The following WRN variants were observed in gnomAD, a reference collection of about 807,000 sequenced individuals.
WRN encodes the protein WRN RecQ like helicase.
A neutral mutation model predicts 180.7 loss-of-function variants in WRN; 149 were observed. The observed-to-expected ratio is 0.82, with a 90% confidence interval of 0.72 to 0.94. The LOEUF (loss-of-function observed/expected upper bound fraction) is 0.94, where lower values mean the gene tolerates loss of function less well. Ranked by LOEUF, WRN falls within the 40% of genes least tolerant of loss-of-function variation. WRN has a pLI of 0.00. For missense variants in WRN, 1,661 were observed against 1,700.1 expected (o/e 0.98, Z 0.40); for synonymous variants, 548 against 568.9 (o/e 0.96, Z 0.52).
intron 11 of WRN, 108 bp from the exon 12 acceptor site, chr8:31,087,668 G>A: frequency 8.6e-7 from 1 of 1,158,718 alleles, no homozygotes; most frequent in Non-Finnish European, 1.3e-6. Context: ...ACATCTGCCA[G>A]CTTTCGACAA....
At chr8:31,125,043 T>C in intron 23 of WRN, 43 bp downstream of exon 23, 2 of 1,556,568 alleles carry the variant, frequency 1.3e-6, no homozygotes. Flanking sequence ...AAAGTCTTTC[T>C]TTCTCTTCCT....
intron 30 of WRN, 111 bp from the exon 31 acceptor site, chr8:31,150,230 A>G: frequency 1.1e-6 from 1 of 869,680 alleles, no homozygotes; most frequent in Non-Finnish European, 1.9e-6. Flanking sequence ...AAAACTATAC[A>G]TTTATTGAGA....
chr8:31,088,521 G>T (rs1032995600), intron 12 of WRN, among the ~76,000 whole-genome samples: 1 of 151,974 alleles, frequency 6.6e-6, no homozygotes, highest in African/African-American at 2.4e-5. Flanking sequence ...TTTAGTGCGG[G>T]ACTAATGTAA....
At position 31,090,847 on chromosome 8, in the gene WRN, T is replaced by C. The variant is rs867210698; in HGVS notation, c.1734T>C (p.Ser578=). The change falls in exon 15 of 35, where the codon AGT becomes AGC. Residue 578 remains serine (S), a synonymous_variant. Transcript: ENST00000298139. The part of the protein sequence containing the change: ...VAVMATGYGK[S]LCFQYPPVYV... ...TTTCATTTCAAGGATATGGAAAGAG[T>C]TTGTGCTTCCAGTATCCACCTGTTT... is the stretch of plus-strand genomic sequence containing the variant. The C allele has an allele frequency of 1.2e-5, 19 of 1,610,168 alleles. No homozygotes were observed. In the Middle Eastern group the frequency reaches 2.5e-3, roughly 210 times the overall value.
chr8:31,150,255 C>A, intron 30 of WRN, 86 bp from the exon 31 acceptor site: 1 of 1,083,330 alleles, frequency 9.2e-7, no homozygotes, highest in Non-Finnish European at 1.4e-6. Flanking sequence ...CATTAGGAAG[C>A]TGAACATCAG....
Position 31,059,244 on chromosome 8 carries a change from C to A in WRN, c.188C>A (p.Ser63Tyr). The A allele has an allele frequency of 6.2e-7, 1 of 1,613,566 alleles. No homozygotes were observed. Among genetic ancestry groups the A allele is most frequent in the Non-Finnish European group, 8.5e-7 (1 of 1,179,672 alleles). Reference protein sequence around the residue: ...IVYSYDASDCSFLSEDISMSL... With the variant: ...IVYSYDASDCYFLSEDISMSL... ...TATAGTTACGATGCTAGTGATTGCT[C>A]TTTCCTGTCAGAAGATATTAGGTAA... The change falls in exon 3 of 35, where the codon TCT becomes TAT. Residue 63 changes from serine to tyrosine, a missense_variant. Around this residue, in one of 3 missense-constraint regions of WRN, gnomAD observed 500 missense variants for 504.1 expected, o/e 0.99. Transcript: ENST00000298139.
chr8:31,122,640 A>AT (rs1801765605), intron 21 of WRN, among the ~76,000 whole-genome samples: 2 of 151,976 alleles, frequency 1.3e-5, no homozygotes, highest in South Asian at 4.1e-4. Context: ...ATGGTTTAGA[A>AT]TTTTTTTAAT....
At chr8:31,059,129 G>A (rs2130004518) in intron 2 of WRN, 24 bp from the exon 3 acceptor site, 1 of 1,564,118 alleles carries the variant, frequency 6.4e-7, no homozygotes, top group Non-Finnish European at 8.8e-7. Flanking sequence ...CTTTGTGCCT[G>A]TTTTGAAATT....
chr8:31,077,072 C>T (rs1305158537), intron 8 of WRN, among the ~76,000 whole-genome samples: 4 of 152,106 alleles, frequency 2.6e-5, no homozygotes, highest in Non-Finnish European at 4.4e-5. Flanking sequence ...AGAAAGAATT[C>T]TGACTCGAAA....
intron 33 of WRN, among the ~76,000 whole-genome samples, chr8:31,158,006 G>A (rs544726874): frequency 6.6e-6 from 1 of 152,240 alleles, no homozygotes; most frequent in South Asian, 2.1e-4. Context: ...GCGATTACAG[G>A]TGTGAGCCAT....
In WRN at chr8:31,087,917, A is replaced by G. The variant is rs1813600027; in HGVS notation, c.1573A>G (p.Lys525Glu). 3.7e-6 allele frequency: 6 copies of G among 1,612,800 alleles called. No homozygotes were observed. Among genetic ancestry groups the G allele is most frequent in the Non-Finnish European group, 5.1e-6 (6 of 1,179,340 alleles). ...TAATGAAGGGGAAGAAGATGATGAT[A>G]AGGGTAAGCACTGAAGTATGTTTGA... ...EANEGEEDDD[K>E]DFLWPAPNEE... Residue 525 changes from lysine (K) to glutamate (E), a missense_variant, in exon 12 of 35, where the codon AAG becomes GAG. This residue lies in a region of WRN where 1,141 missense variants were observed against 1,149.4 expected (regional missense o/e 0.99). Coordinates refer to ENST00000298139, the MANE Select transcript of WRN (RefSeq NM_000553.6).
At chr8:31,110,655 A>G (rs1585470125) in intron 18 of WRN, among the ~76,000 whole-genome samples, 3 of 152,264 alleles carry the variant, frequency 2.0e-5, no homozygotes, top group East Asian at 1.9e-4. Flanking sequence ...GATAATTGCT[A>G]TGGTTGGTTT....
At chr8:31,078,249 T>C (rs1440420832) in intron 8 of WRN, among the ~76,000 whole-genome samples, 1 of 152,210 alleles carries the variant, frequency 6.6e-6, no homozygotes, top group African/African-American at 2.4e-5. Context: ...TGTGAAGTTT[T>C]AGTGTGAAAA....
At chr8:31,108,061 A>T (rs1190206451) in intron 18 of WRN, among the ~76,000 whole-genome samples, 7 of 152,252 alleles carry the variant, frequency 4.6e-5, no homozygotes, top group Non-Finnish European at 8.8e-5. Context: ...TACTTTTCTC[A>T]GTCTGTGGGC....
rs2230010 is a variant in WRN at position 31,081,182 on chromosome 8, G to A, written c.1155G>A (p.Glu385=). ...EDGVEDNKLK[E]NMERACLMSL... is the part of the protein sequence containing the mutation. ...GAGTAGAAGACAACAAATTGAAAGA[G>A]AATATGGAAAGAGCTTGTTTGATGT... The change falls in exon 9 of 35, where the codon GAG becomes GAA. Residue 385 remains glutamate, a synonymous_variant. Transcript: ENST00000298139. 5,718 of 1,614,008 alleles carry A rather than the reference G, an allele frequency of 3.5e-3. 166 individuals are homozygous for A. In the African/African-American group the frequency reaches 0.066, roughly 19 times the overall value.
intron 16 of WRN, among the ~76,000 whole-genome samples, chr8:31,092,698 C>G (rs1813799797): frequency 6.6e-6 from 1 of 151,882 alleles, no homozygotes; most frequent in Non-Finnish European, 1.5e-5. Context: ...AACCAAACCT[C>G]TAACAAGATA....
chr8:31,040,381 G>A (rs1054415812), intron 1 of WRN, among the ~76,000 whole-genome samples: 1 of 152,170 alleles, frequency 6.6e-6, no homozygotes, highest in African/African-American at 2.4e-5. Context: ...AGACTCTAAG[G>A]GAGTGAGTGT....
At chr8:31,143,753 A>C in intron 28 of WRN, 130 bp downstream of exon 28, 1 of 642,016 alleles carries the variant, frequency 1.6e-6, no homozygotes. Flanking sequence ...TAAGCTTTTC[A>C]GTATTAGAAT....
intron 19 of WRN, among the ~76,000 whole-genome samples, chr8:31,113,822 A>G (rs1355398868): frequency 6.8e-6 from 1 of 146,636 alleles, no homozygotes; most frequent in Non-Finnish European, 1.5e-5. Context: ...AATTTCCCCA[A>G]CAGATACCCC....
Sources: gnomAD v4.1 joint callset for allele counts (sites outside exome capture counted in the v4.1 genomes callset) on GRCh38, gnomAD v4.1.1 for gene constraint, gnomAD v4.1.1 regional missense constraint, MANE v1.5 for transcripts, NCBI Gene and HGNC (gene_info 2026-07-23, HGNC 2026-07-21) for gene names.